Variants in FHIT observed in about 807,000 individuals in gnomAD.
FHIT encodes fragile histidine triad diadenosine triphosphatase, also known as bis(5'-adenosyl)-triphosphatase.
FHIT carries 19 observed loss-of-function variants against 17.9 expected under a neutral mutation model. The ratio of observed to expected loss-of-function variants is 1.06; its 90% CI spans 0.74 to 1.56. The LOEUF is 1.56. Ranked by LOEUF, FHIT falls within the 40% of genes most tolerant of loss-of-function variation. The probability of loss-of-function intolerance (pLI) is 0.00; values close to 1 mark genes in which losing one functional copy is unlikely to be tolerated. For synonymous variants in FHIT, 81 were observed against 69.7 expected (o/e 1.16, Z -0.81); for missense variants, 248 against 189.2 (o/e 1.31, Z -1.82).
intron 5 of FHIT, among the ~76,000 whole-genome samples, chr3:60,219,947 A>T (rs1000618863): frequency 1.3e-5 from 2 of 152,202 alleles, no homozygotes; most frequent in Non-Finnish European, 2.9e-5. Flanking sequence ...ATTACTGCTC[A>T]TATTTTTGTT....
intron 5 of FHIT, among the ~76,000 whole-genome samples, chr3:60,236,288 C>A (rs1704791556): frequency 6.7e-6 from 1 of 149,050 alleles, no homozygotes; most frequent in African/African-American, 2.5e-5. Context: ...AGATGAGGCC[C>A]TTGAGGACAA....
At chr3:61,049,195 C>A (rs546319396) in intron 2 of FHIT, among the ~76,000 whole-genome samples, 1 of 150,602 alleles carries the variant, frequency 6.6e-6, no homozygotes, top group South Asian at 2.1e-4. Context: ...ACTCATTAGA[C>A]GTTAATGAAT....
chr3:59,820,815 A>G (rs1700760173), intron 8 of FHIT, among the ~76,000 whole-genome samples: 1 of 152,192 alleles, frequency 6.6e-6, no homozygotes. Flanking sequence ...GGCAAGAGAA[A>G]AGAACAATGT....
At chr3:60,426,539 C>T (rs1702673693) in intron 5 of FHIT, among the ~76,000 whole-genome samples, 1 of 152,116 alleles carries the variant, frequency 6.6e-6, no homozygotes, top group South Asian at 2.1e-4. Context: ...TTTATCACTG[C>T]TCACATTCAT....
intron 4 of FHIT, among the ~76,000 whole-genome samples, chr3:60,818,926 G>A (rs961251729): frequency 2.0e-5 from 3 of 152,034 alleles, no homozygotes; most frequent in South Asian, 2.1e-4. Flanking sequence ...ACTCACTCTG[G>A]ACCGATCTGT....
At chr3:60,515,098 G>T (rs2035101301) in intron 5 of FHIT, among the ~76,000 whole-genome samples, 1 of 152,120 alleles carries the variant, frequency 6.6e-6, no homozygotes, top group South Asian at 2.1e-4. Flanking sequence ...GGCAGGCGCG[G>T]AGTGGTGCCT....
intron 5 of FHIT, among the ~76,000 whole-genome samples, chr3:60,316,576 C>A (rs1269075503): frequency 6.6e-6 from 1 of 152,158 alleles, no homozygotes; most frequent in Non-Finnish European, 1.5e-5. Flanking sequence ...CTGCCAGTTT[C>A]CTTGTCATTG....
chr3:60,341,045 T>G (rs965503123), intron 5 of FHIT, among the ~76,000 whole-genome samples: 41 of 152,294 alleles, frequency 2.7e-4, no homozygotes, highest in African/African-American at 9.4e-4. Flanking sequence ...TTGGGGAATA[T>G]GATACCTCCA....
chr3:61,194,434 G>C (rs1346425656), intron 2 of FHIT, among the ~76,000 whole-genome samples: 1 of 151,938 alleles, frequency 6.6e-6, no homozygotes, highest in Non-Finnish European at 1.5e-5. Flanking sequence ...GACACCACTA[G>C]TTATTTAATA....
At chr3:60,888,844 C>A (rs1553759909) in intron 3 of FHIT, among the ~76,000 whole-genome samples, 1 of 152,116 alleles carries the variant, frequency 6.6e-6, no homozygotes, top group Non-Finnish European at 1.5e-5. Flanking sequence ...ATAGACAGAT[C>A]TTTTGTATCC....
chr3:60,511,864 T>C (rs866267884), intron 5 of FHIT, among the ~76,000 whole-genome samples: 2 of 152,100 alleles, frequency 1.3e-5, no homozygotes, highest in Non-Finnish European at 2.9e-5. Flanking sequence ...TAAAGGGACT[T>C]CTGCTGTCAA....
At chr3:61,093,507 G>A (rs2035548112) in intron 2 of FHIT, among the ~76,000 whole-genome samples, 1 of 152,284 alleles carries the variant, frequency 6.6e-6, no homozygotes, top group Non-Finnish European at 1.5e-5. Context: ...TGCCAAGGTT[G>A]AGAAACAGAA....
At chr3:61,176,499 T>C (rs1298297567) in intron 2 of FHIT, among the ~76,000 whole-genome samples, 1 of 152,218 alleles carries the variant, frequency 6.6e-6, no homozygotes, top group Non-Finnish European at 1.5e-5. Flanking sequence ...TGCAGAGAAG[T>C]TATGTATCCT....
chr3:59,946,604 A>C (rs942284410), intron 7 of FHIT, among the ~76,000 whole-genome samples: 7 of 152,164 alleles, frequency 4.6e-5, no homozygotes, highest in Admixed American at 3.9e-4. Flanking sequence ...TACAGTTCTC[A>C]AGGGGAATGC....
chr3:60,312,533 A>G (rs960045663), intron 5 of FHIT, among the ~76,000 whole-genome samples: 5 of 152,180 alleles, frequency 3.3e-5, no homozygotes, highest in Admixed American at 2.0e-4. Flanking sequence ...TTCTACCAGG[A>G]AAGTGTTTTT....
chr3:60,704,274 G>C (rs1553702923), intron 4 of FHIT, among the ~76,000 whole-genome samples: 1 of 152,196 alleles, frequency 6.6e-6, no homozygotes, highest in South Asian at 2.1e-4. Context: ...CTCCCCTAAA[G>C]TCTTATCAAA....
At chr3:60,977,942 T>G (rs1344143222) in intron 3 of FHIT, among the ~76,000 whole-genome samples, 2 of 152,202 alleles carry the variant, frequency 1.3e-5, no homozygotes. Flanking sequence ...GGAGGCATGA[T>G]GCTGGCACAG....
At chr3:60,453,671 A>G (rs1355592781) in intron 5 of FHIT, among the ~76,000 whole-genome samples, 2 of 152,204 alleles carry the variant, frequency 1.3e-5, no homozygotes, top group African/African-American at 2.4e-5. Context: ...CACCACCTGG[A>G]AAATGGGGGC....
chr3:60,347,347 G>C (rs1273015236), intron 5 of FHIT, among the ~76,000 whole-genome samples: 1 of 152,080 alleles, frequency 6.6e-6, no homozygotes, highest in Non-Finnish European at 1.5e-5. Flanking sequence ...AAAAGAAGCT[G>C]AAGTTTCAAC....
Sources: gnomAD v4.1 joint callset for allele counts (sites outside exome capture counted in the v4.1 genomes callset) on GRCh38, gnomAD v4.1.1 for gene constraint, MANE v1.5 for transcripts, NCBI Gene and HGNC (gene_info 2026-07-23, HGNC 2026-07-21) for gene names.